LUZP1: variants seen among roughly 807,000 people sequenced by gnomAD.
LUZP1 encodes the protein filamin mechanobinding actin cross-linking protein.
Under a neutral mutation model 71.3 loss-of-function variants are expected in LUZP1, and 25 were observed. The ratio of observed to expected loss-of-function variants is 0.35; its 90% CI spans 0.26 to 0.49. LUZP1 has a LOEUF of 0.49. Ranked by LOEUF, LUZP1 falls within the 20% of genes least tolerant of loss-of-function variation. The pLI is 0.99. For synonymous variants in LUZP1, 481 were observed against 506.4 expected, an observed-to-expected ratio of 0.95 and a Z score of 0.67; for missense variants, 1,142 against 1,300.8, an observed-to-expected ratio of 0.88 and a Z score of 1.88.
At chr1:23,088,876 C>A (rs199601042) in exon 5 of LUZP1, 20 of 1,611,802 alleles carry the variant, frequency 1.2e-5, no homozygotes, top group Non-Finnish European at 1.7e-5. Flanking sequence ...AGAGGGCAGA[C>A]AACAGACACC....
chr1:23,117,484 C>A (rs1194123955), intron 2 of LUZP1, among the ~76,000 whole-genome samples: 7 of 37,140 alleles, frequency 1.9e-4, no homozygotes, highest in Admixed American at 7.1e-4. Context: ...TCTCCCCCCC[C>A]CCCCCCCACA....
intron 2 of LUZP1, among the ~76,000 whole-genome samples, chr1:23,128,744 TAGA>T (rs1419394608): frequency 3.9e-5 from 6 of 152,246 alleles, no homozygotes; most frequent in African/African-American, 1.4e-4. Context: ...GTTTCACTTT[TAGA>T]AGGATTATAA....
chr1:23,084,778 A>C (rs1191090863), exon 5 of LUZP1: 1 of 152,134 alleles, frequency 6.6e-6, no homozygotes, highest in Non-Finnish European at 1.5e-5. Context: ...AAGAATCTGC[A>C]CACCAGGATC....
intron 2 of LUZP1, among the ~76,000 whole-genome samples, chr1:23,142,851 A>C (rs2124711580): frequency 6.6e-6 from 1 of 152,096 alleles, no homozygotes; most frequent in East Asian, 1.9e-4. Context: ...ACAGAAGAGA[A>C]GATACCTAAA....
At chr1:23,144,602 T>C (rs1327151651) in intron 2 of LUZP1, among the ~76,000 whole-genome samples, 3 of 152,160 alleles carry the variant, frequency 2.0e-5, no homozygotes, top group Non-Finnish European at 4.4e-5. Flanking sequence ...CCTTCAAATA[T>C]GGTTTCTCAG....
rs549027526 is a variant in LUZP1 at position 23,111,749 on chromosome 1, CCTGT to C, written c.-225-2626_-225-2623del. 4.6e-5 allele frequency among the ~76,000 whole-genome samples: 7 copies of C among 151,984 alleles called. No homozygotes were observed. The South Asian group carries it at 1.5e-3, about 32-fold the overall frequency. ...GACTTTCCGTCCTACCCCATCACCA[CCTGT>C]CTCTTTCCCCCTCCCCACCCACCTT... is the stretch of plus-strand genomic sequence containing the variant. On this transcript the variant is annotated intron_variant, in intron 2 of 4. Coordinates refer to ENST00000302291, the Ensembl canonical transcript of LUZP1.
At position 23,093,543 on chromosome 1, in the gene LUZP1, A is replaced by G; in HGVS notation, c.719T>C (p.Leu240Pro). 6.2e-7 allele frequency: 1 copy of G among 1,613,862 alleles called. No homozygotes were observed. The highest frequency in any genetic ancestry group is 8.5e-7 in the Non-Finnish European group (1 of 1,179,972). ...GGAAGAGATGCCATCCTCAATCCGT[A>G]GGTCATTTCTTTCCAGATTAGAAGC... Residue 240 changes from leucine to proline, a missense_variant, in exon 4 of 5, where the codon CTA (leucine) becomes CCA (proline). Leu to Pro is a moderately conservative substitution (Grantham distance 98). Transcript: ENST00000302291. The surrounding 1 kb of genome is among the most constrained non-coding windows in gnomAD (Gnocchi z 4.2).
chr1:23,126,626 G>A (rs976934514), intron 2 of LUZP1, among the ~76,000 whole-genome samples: 3 of 152,306 alleles, frequency 2.0e-5, no homozygotes, highest in African/African-American at 7.2e-5. Context: ...TATGACAGAT[G>A]CTCCACAGAA....
exon 5 of LUZP1, chr1:23,085,766 CTCTT>C (rs1643756292): frequency 6.6e-6 from 1 of 152,160 alleles, no homozygotes; most frequent in Admixed American, 6.6e-5. Context: ...CACACTGTGA[CTCTT>C]TCTCATTGCC....
intron 3 of LUZP1, among the ~76,000 whole-genome samples, chr1:23,101,950 T>C (rs1643934886): frequency 6.6e-6 from 1 of 152,130 alleles, no homozygotes; most frequent in African/African-American, 2.4e-5. Context: ...ATATAACCAA[T>C]CATAAAACTA....
chr1:23,102,076 G>A (rs894739582), intron 3 of LUZP1, among the ~76,000 whole-genome samples: 3 of 151,568 alleles, frequency 2.0e-5, no homozygotes, highest in Admixed American at 6.6e-5. Context: ...ACATATAACC[G>A]GAAGCTCAGA....
chr1:23,161,800 G>A (rs1333955589), intron 2 of LUZP1, among the ~76,000 whole-genome samples: 1 of 151,964 alleles, frequency 6.6e-6, no homozygotes, highest in African/African-American at 2.4e-5. Flanking sequence ...GAGGTGAGTG[G>A]ATCAAGAGGT....
chr1:23,152,675 C>T (rs894923468), intron 2 of LUZP1, among the ~76,000 whole-genome samples: 6 of 151,962 alleles, frequency 3.9e-5, no homozygotes, highest in Admixed American at 3.3e-4. Context: ...GGATTACAGG[C>T]GCCCACCACC....
At position 23,093,562 on chromosome 1, in the gene LUZP1, TAGA is replaced by T; in HGVS notation, c.697_699del (p.Ser233del). Reference sequence around the variant, plus strand: ...ATCCGTAGGTCATTTCTTTCCAGATTAGAAGCATTCCTTGTATAATCTCGGTTC... The same window carrying T: ...ATCCGTAGGTCATTTCTTTCCAGATTAGCATTCCTTGTATAATCTCGGTTC... On this transcript the variant is annotated inframe_deletion, in exon 4 of 5. Coordinates refer to ENST00000302291, the Ensembl canonical transcript of LUZP1. The surrounding 1 kb of genome is among the most constrained non-coding windows in gnomAD (Gnocchi z 4.2). 1 of 1,614,042 alleles carries T rather than the reference TAGA, an allele frequency of 6.2e-7. No individual in the cohort carries two copies.
chr1:23,113,978 G>T (rs1267615676), intron 2 of LUZP1, among the ~76,000 whole-genome samples: 1 of 151,862 alleles, frequency 6.6e-6, no homozygotes, highest in Non-Finnish European at 1.5e-5. Flanking sequence ...GGAAATTTTT[G>T]AACAGAAATA....
chr1:23,111,790 A>C, intron 2 of LUZP1, among the ~76,000 whole-genome samples: 1 of 146,560 alleles, frequency 6.8e-6, no homozygotes, highest in African/African-American at 2.5e-5. Context: ...CACACACAAC[A>C]CCCACACACA....
chr1:23,132,622 C>T (rs1431644085), intron 2 of LUZP1, among the ~76,000 whole-genome samples: 1 of 151,828 alleles, frequency 6.6e-6, no homozygotes. Context: ...ATGGTGGTTA[C>T]ATAGCAGATT....
intron 2 of LUZP1, among the ~76,000 whole-genome samples, chr1:23,126,262 T>A (rs551149084): frequency 6.6e-6 from 1 of 152,280 alleles, no homozygotes; most frequent in South Asian, 2.1e-4. Context: ...TCAACTCATA[T>A]AAAGGGCCCT....
intron 2 of LUZP1, among the ~76,000 whole-genome samples, chr1:23,153,687 GTTTTT>G (rs1298699943): frequency 1.3e-5 from 2 of 152,074 alleles, no homozygotes; most frequent in Non-Finnish European, 2.9e-5. Context: ...GTTTTGTTTT[GTTTTT>G]AAGACAGAGT....
Sources: allele counts gnomAD v4.1 joint callset (sites outside exome capture counted in the v4.1 genomes callset), GRCh38; gene constraint gnomAD v4.1.1; non-coding constraint Gnocchi (gnomAD v3.1); transcripts MANE v1.5; gene names NCBI Gene and HGNC (gene_info 2026-07-23, HGNC 2026-07-21).